RGPD2: variants seen among roughly 807,000 people sequenced by gnomAD.
RGPD2 encodes RANBP2-like and GRIP domain-containing protein 2.
In RGPD2, 2 loss-of-function variants were observed where a neutral mutation model predicts 36.0. That is an observed-to-expected ratio of 0.06 (90% CI 0.02 to 0.17). The LOEUF (loss-of-function observed/expected upper bound fraction) is 0.17. RGPD2 is among the 10% of genes least tolerant of loss of function. RGPD2 has a pLI of 1.00. For synonymous variants in RGPD2, 19 were observed against 163.8 expected, an observed-to-expected ratio of 0.12 and a Z score of 6.75; for missense variants, 40 against 464.3, an observed-to-expected ratio of 0.09 and a Z score of 8.40.
the RGPD2 span, among the ~76,000 whole-genome samples, chr2:87,843,638 G>T: frequency 6.6e-6 from 1 of 150,978 alleles, no homozygotes; most frequent in South Asian, 2.1e-4. Context: ...TTCAACCCTT[G>T]TGGAAGTCAG....
chr2:87,825,636 G>GAGGCCGCCGCCCGGCCA (rs1342283884), intron 1 of RGPD2, 22 bp downstream of exon 1: 12 of 1,542,492 alleles, frequency 7.8e-6, no homozygotes, highest in African/African-American at 6.9e-5. Flanking sequence ...CGAGGCCGTC[G>GAGGCCGCCGCCCGGCCA]GTCTCTTCGA....
At chr2:87,986,133 C>T in the RGPD2 span, among the ~76,000 whole-genome samples, 1 of 83,456 alleles carries the variant, frequency 1.2e-5, no homozygotes, top group African/African-American at 4.0e-5. Flanking sequence ...GGTCTGAAGA[C>T]AGCTTTTTTT....
chr2:87,863,433 A>T, the RGPD2 span, among the ~76,000 whole-genome samples: 1 of 148,838 alleles, frequency 6.7e-6, no homozygotes, highest in Non-Finnish European at 1.5e-5. Context: ...GATCAGTGAA[A>T]ATCGAAAACA....
the RGPD2 span, among the ~76,000 whole-genome samples, chr2:87,948,015 A>G: frequency 6.6e-6 from 1 of 152,072 alleles, no homozygotes; most frequent in Non-Finnish European, 1.5e-5. Context: ...CCTTGTCTCC[A>G]TCACTCGCCG....
At chr2:87,861,581 C>G in the RGPD2 span, among the ~76,000 whole-genome samples, 1 of 152,066 alleles carries the variant, frequency 6.6e-6, no homozygotes, top group South Asian at 2.1e-4. Context: ...TAAGCTTGTT[C>G]AAGATATTAA....
the RGPD2 span, among the ~76,000 whole-genome samples, chr2:87,984,330 TA>T: frequency 1.3e-5 from 2 of 152,140 alleles, no homozygotes; most frequent in Admixed American, 1.3e-4. Flanking sequence ...TCTTGGGAAG[TA>T]ACTAGAGATG....
chr2:87,839,872 G>A, the RGPD2 span, among the ~76,000 whole-genome samples: 2 of 151,304 alleles, frequency 1.3e-5, no homozygotes, highest in Admixed American at 1.3e-4. Flanking sequence ...ACCTTCACAG[G>A]TACTCCCAAA....
At chr2:87,830,573 C>A (rs1254339640), upstream of RGPD2, among the ~76,000 whole-genome samples, 1 of 152,152 alleles carries the variant, frequency 6.6e-6, no homozygotes, top group Non-Finnish European at 1.5e-5. Context: ...CCCCACTCTA[C>A]TGATACCAAT....
the RGPD2 span, among the ~76,000 whole-genome samples, chr2:87,935,421 G>A: frequency 6.7e-6 from 1 of 149,134 alleles, no homozygotes; most frequent in Non-Finnish European, 1.5e-5. Flanking sequence ...ACAACCAAAT[G>A]CTATGGCTCT....
the RGPD2 span, among the ~76,000 whole-genome samples, chr2:87,941,030 A>G: frequency 6.6e-6 from 1 of 152,066 alleles, no homozygotes; most frequent in African/African-American, 2.4e-5. Context: ...AAATGATTAC[A>G]AACGGACAAG....
the RGPD2 span, among the ~76,000 whole-genome samples, chr2:87,871,899 T>C: frequency 6.9e-6 from 1 of 145,550 alleles, no homozygotes; most frequent in Non-Finnish European, 1.5e-5. Flanking sequence ...AAAATGTACA[T>C]ATGGATTCCC....
the RGPD2 span, among the ~76,000 whole-genome samples, chr2:87,966,544 G>T: frequency 6.6e-6 from 1 of 151,178 alleles, no homozygotes; most frequent in Admixed American, 6.6e-5. Flanking sequence ...CAATGTCTGT[G>T]CTTTTGTGAC....
the RGPD2 span, among the ~76,000 whole-genome samples, chr2:87,848,873 TG>T: frequency 1.3e-5 from 2 of 150,000 alleles, no homozygotes; most frequent in African/African-American, 4.9e-5. Context: ...TGTGTGTGTG[TG>T]TGTGTGTGTG....
chr2:87,863,748 C>T, the RGPD2 span, among the ~76,000 whole-genome samples: 2 of 151,054 alleles, frequency 1.3e-5, no homozygotes, highest in Admixed American at 1.3e-4. Context: ...AAAGCAAATG[C>T]CTTTGATTTA....
At chr2:87,772,779 G>A (rs1362809838) in intron 21 of RGPD2, among the ~76,000 whole-genome samples, 6 of 148,612 alleles carry the variant, frequency 4.0e-5, no homozygotes, top group Non-Finnish European at 9.0e-5. Flanking sequence ...ATTCTCACGA[G>A]AAACAGATGA....
At chr2:87,864,899 G>A in the RGPD2 span, among the ~76,000 whole-genome samples, 3 of 152,306 alleles carry the variant, frequency 2.0e-5, no homozygotes, top group Admixed American at 1.3e-4. Flanking sequence ...CTCCCTGTCT[G>A]TACCTTGGTT....
chr2:87,857,846 C>A, the RGPD2 span, among the ~76,000 whole-genome samples: 1 of 150,560 alleles, frequency 6.6e-6, no homozygotes, highest in Admixed American at 6.6e-5. Context: ...TATGTACATT[C>A]ACTTTAAGAA....
chr2:87,846,174 C>T, the RGPD2 span, among the ~76,000 whole-genome samples: 1 of 151,244 alleles, frequency 6.6e-6, no homozygotes, highest in Non-Finnish European at 1.5e-5. Flanking sequence ...GGGTAATAGC[C>T]TCATTGGTAT....
At chr2:87,973,215 C>T in the RGPD2 span, 1 of 1,608,430 alleles carries the variant, frequency 6.2e-7, no homozygotes, top group African/African-American at 1.3e-5. Flanking sequence ...ACCAGAGTGC[C>T]CTCCCTCATC....
Sources: gnomAD v4.1 joint callset for allele counts (sites outside exome capture counted in the v4.1 genomes callset) on GRCh38, gnomAD v4.1.1 for gene constraint, MANE v1.5 for transcripts, NCBI Gene and HGNC (gene_info 2026-07-23, HGNC 2026-07-21) for gene names.